Variants in JAZF1 observed in about 807,000 individuals in gnomAD.
JAZF1 encodes the protein juxtaposed with another zinc finger protein 1.
A neutral mutation model predicts 26.4 loss-of-function variants in JAZF1; 8 were observed. That is an observed-to-expected ratio of 0.30 (90% CI 0.18 to 0.55). JAZF1 has a LOEUF of 0.55. JAZF1 is among the 20% of genes least tolerant of loss of function. The pLI, the probability that JAZF1 is intolerant of heterozygous loss-of-function variation, is 0.94. For missense variants in JAZF1, 199 were observed against 322.0 expected, an observed-to-expected ratio of 0.62 and a Z score of 2.92; for synonymous variants, 126 against 122.3, an observed-to-expected ratio of 1.03 and a Z score of -0.20.
chr7:28,133,938 A>G (rs1412921657), intron 1 of JAZF1, among the ~76,000 whole-genome samples: 1 of 152,220 alleles, frequency 6.6e-6, no homozygotes, highest in Non-Finnish European at 1.5e-5. Context: ...ACTTGTCTCT[A>G]TCAGTCTTAC....
At chr7:27,963,533 T>C (rs919586420) in intron 2 of JAZF1, among the ~76,000 whole-genome samples, 6 of 150,746 alleles carry the variant, frequency 4.0e-5, no homozygotes, top group Non-Finnish European at 7.4e-5. Context: ...GCACAAATGA[T>C]AGCAAATGGA....
chr7:28,027,393 C>T (rs1407192168), intron 1 of JAZF1, among the ~76,000 whole-genome samples: 1 of 152,088 alleles, frequency 6.6e-6, no homozygotes, highest in East Asian at 1.9e-4. Context: ...ATTAAAATAC[C>T]CCTTATTTGT....
At chr7:28,025,062 A>G (rs984318390) in intron 1 of JAZF1, among the ~76,000 whole-genome samples, 2 of 152,168 alleles carry the variant, frequency 1.3e-5, no homozygotes, top group South Asian at 4.1e-4. Flanking sequence ...ACTCAGGACA[A>G]TGGTTCTGTT....
At position 28,093,784 on chromosome 7, in the gene JAZF1, T is replaced by C. The variant is rs77742024; in HGVS notation, c.115+86679A>G. Reference sequence around the variant, plus strand: ...CAAAAGACAGGTGCCTGCCTGCAGATGCTTGTCCACTGTCTCTTTTCAAAT... The same window carrying C: ...CAAAAGACAGGTGCCTGCCTGCAGACGCTTGTCCACTGTCTCTTTTCAAAT... On this transcript the variant is annotated intron_variant, in intron 1 of 4. Transcript: ENST00000283928. Among the ~76,000 whole-genome samples the C allele has an allele frequency of 8.6e-3, 1,308 of 152,356 alleles. 21 individuals carry two copies. The highest frequency in any genetic ancestry group is 0.03 in the African/African-American group (1,256 of 41,586).
At chr7:28,056,466 ACACACACAC>A (rs764626248) in intron 1 of JAZF1, among the ~76,000 whole-genome samples, 14 of 149,470 alleles carry the variant, frequency 9.4e-5, no homozygotes, top group African/African-American at 3.2e-4. Flanking sequence ...ACACACACAC[ACACACACAC>A]AATAAGAAAG....
In JAZF1 at chr7:28,170,123, CT is replaced by C. The variant is rs1228667866; in HGVS notation, c.115+10339del. ...ATGTACCACTAGTCAAAAAAAAAATCTTTAAAATAAAGTACATGAGCTGAGT... is the reference window on the plus strand; with the variant it reads ...ATGTACCACTAGTCAAAAAAAAAATCTTAAAATAAAGTACATGAGCTGAGT... On this transcript the variant is annotated intron_variant, in intron 1 of 4. Transcript: ENST00000283928. Among the ~76,000 whole-genome samples, 3 of 151,842 alleles carry C rather than the reference CT, an allele frequency of 2.0e-5. No homozygotes were observed. In the East Asian group the frequency reaches 5.8e-4, roughly 29 times the overall value.
chr7:28,011,028 C>T (rs534016030), intron 1 of JAZF1, among the ~76,000 whole-genome samples: 2 of 152,174 alleles, frequency 1.3e-5, no homozygotes, highest in South Asian at 2.1e-4. Flanking sequence ...TCCTCACAAT[C>T]CCACATCACC....
At chr7:28,158,196 G>C (rs891893845) in intron 1 of JAZF1, among the ~76,000 whole-genome samples, 1 of 148,824 alleles carries the variant, frequency 6.7e-6, no homozygotes, top group African/African-American at 2.4e-5. Context: ...CAGAGAGAGA[G>C]AGAGAGAGGG....
chr7:28,093,054 A>G (rs1784328484), intron 1 of JAZF1, among the ~76,000 whole-genome samples: 1 of 152,154 alleles, frequency 6.6e-6, no homozygotes, highest in African/African-American at 2.4e-5. Flanking sequence ...ATCTTTTTAA[A>G]AGCATTTTAA....
At chr7:28,154,778 C>A (rs860262) in intron 1 of JAZF1, among the ~76,000 whole-genome samples, 61,355 of 151,392 alleles carry the variant, frequency 0.41, 13,350 homozygotes, top group Non-Finnish European at 0.5. Context: ...TCTGTAACAT[C>A]ATTGATTATA....
At chr7:27,873,804 A>G (rs1419419593) in intron 3 of JAZF1, among the ~76,000 whole-genome samples, 1 of 152,210 alleles carries the variant, frequency 6.6e-6, no homozygotes, top group African/African-American at 2.4e-5. Context: ...AGGAACAGCC[A>G]TTAGAGCCAG....
chr7:27,908,287 T>C (rs2128344529), intron 2 of JAZF1, among the ~76,000 whole-genome samples: 1 of 152,208 alleles, frequency 6.6e-6, no homozygotes, highest in Admixed American at 6.5e-5. Flanking sequence ...TAGAGCAGAG[T>C]TTACAGCACT....
chr7:28,179,242 G>A (rs1457219552), intron 1 of JAZF1, among the ~76,000 whole-genome samples: 1 of 152,220 alleles, frequency 6.6e-6, no homozygotes, highest in African/African-American at 2.4e-5. Context: ...CGCTGGCGTC[G>A]GTCACACCTT....
At chr7:28,089,996 T>C (rs908873913) in intron 1 of JAZF1, among the ~76,000 whole-genome samples, 7 of 152,234 alleles carry the variant, frequency 4.6e-5, no homozygotes, top group African/African-American at 7.2e-5. Flanking sequence ...CAAAAGTCCA[T>C]GTAAGATTTG....
intron 2 of JAZF1, among the ~76,000 whole-genome samples, chr7:27,946,808 C>A (rs1332355253): frequency 6.6e-6 from 1 of 152,138 alleles, no homozygotes; most frequent in East Asian, 1.9e-4. Flanking sequence ...AGTTCTGAAT[C>A]CAAAGGTGAG....
intron 3 of JAZF1, among the ~76,000 whole-genome samples, chr7:27,879,971 T>C (rs1583444761): frequency 6.6e-6 from 1 of 152,304 alleles, no homozygotes; most frequent in Middle Eastern, 3.4e-3. Flanking sequence ...AATATACTAT[T>C]ATATAATAGA....
intron 1 of JAZF1, among the ~76,000 whole-genome samples, chr7:28,060,410 G>T (rs1193709437): frequency 6.6e-6 from 1 of 152,186 alleles, no homozygotes; most frequent in Non-Finnish European, 1.5e-5. Context: ...TAGGAATTCT[G>T]TAACGATTCT....
chr7:28,102,381 T>C (rs1442657536), intron 1 of JAZF1, among the ~76,000 whole-genome samples: 1 of 152,254 alleles, frequency 6.6e-6, no homozygotes, highest in Non-Finnish European at 1.5e-5. Flanking sequence ...AGAGCATGCT[T>C]AAGGCTCTGT....
At chr7:27,882,252 T>C (rs985882039) in intron 3 of JAZF1, among the ~76,000 whole-genome samples, 72 of 152,122 alleles carry the variant, frequency 4.7e-4, no homozygotes, top group African/African-American at 1.6e-3. Context: ...CAACTTTAGT[T>C]TCTTATGGTT....
Sources: allele counts gnomAD v4.1 joint callset (sites outside exome capture counted in the v4.1 genomes callset), GRCh38; gene constraint gnomAD v4.1.1; transcripts MANE v1.5; gene names NCBI Gene and HGNC (gene_info 2026-07-23, HGNC 2026-07-21).